RBFOX1: variants seen among roughly 807,000 people sequenced by gnomAD.
RBFOX1 encodes RNA binding fox-1 homolog 1, also known as RNA binding protein fox-1 homolog 1.
A neutral mutation model predicts 57.7 loss-of-function variants in RBFOX1; 8 were observed. The observed-to-expected ratio is 0.14, with a 90% CI of 0.08 to 0.25. The LOEUF (loss-of-function observed/expected upper bound fraction) is 0.25. Among genes scored for constraint, RBFOX1 ranks in the 10% least tolerant of loss-of-function variants. The pLI is 1.00. For synonymous variants in RBFOX1, 326 were observed against 222.4 expected, an observed-to-expected ratio of 1.47 and a Z score of -4.15; for missense variants, 611 against 548.5, an observed-to-expected ratio of 1.11 and a Z score of -1.14.
intron 2 of RBFOX1, among the ~76,000 whole-genome samples, chr16:6,321,215 A>G (rs983340053): frequency 9.2e-5 from 14 of 151,902 alleles, no homozygotes; most frequent in African/African-American, 2.2e-4. Context: ...TAACATATCT[A>G]TCATCTCATT....
chr16:6,750,266 T>A (rs946046956), intron 3 of RBFOX1, among the ~76,000 whole-genome samples: 1 of 152,204 alleles, frequency 6.6e-6, no homozygotes, highest in Admixed American at 6.5e-5. Flanking sequence ...AGCTGTTAAG[T>A]CATTTGTATT....
intron 1 of RBFOX1, among the ~76,000 whole-genome samples, chr16:6,289,052 A>G (rs960656542): frequency 6.6e-6 from 1 of 152,084 alleles, no homozygotes; most frequent in Admixed American, 6.6e-5. Context: ...ATTTTTACCA[A>G]CTATGCCCTT....
chr16:6,534,891 G>C (rs975498408), intron 2 of RBFOX1, among the ~76,000 whole-genome samples: 2 of 152,110 alleles, frequency 1.3e-5, no homozygotes, highest in South Asian at 2.1e-4. Context: ...GTCCAATGAG[G>C]CATATCCTAG....
chr16:6,655,822 G>C (rs932962553), intron 3 of RBFOX1, among the ~76,000 whole-genome samples: 2 of 152,182 alleles, frequency 1.3e-5, no homozygotes, highest in African/African-American at 4.8e-5. Flanking sequence ...ATTTCAAGCA[G>C]AGGTTTTCAG....
intron 11 of RBFOX1, among the ~76,000 whole-genome samples, chr16:7,640,616 A>T (rs1326433635): frequency 6.6e-6 from 1 of 152,222 alleles, no homozygotes; most frequent in African/African-American, 2.4e-5. Context: ...GGCCGAGATG[A>T]GATGTTTCAG....
rs2084228128 is a variant in RBFOX1 at position 7,713,038 on chromosome 16, T to C, written c.*2293T>C. 6.6e-6 allele frequency: 1 copy of C among 152,218 alleles called. No individual in the cohort carries two copies. Among genetic ancestry groups the C allele is most frequent in the Non-Finnish European group, 1.5e-5 (1 of 68,030 alleles). The allele number at this position is 152,218 out of a possible 1,614,324, so 9.4% of individuals were successfully genotyped here. ...AATCTTTTGTCTAGGCACTCCAAGA[T>C]GCCAATAAGTCATTTTAAAATGTAT... is the stretch of plus-strand genomic sequence containing the variant. On this transcript the variant is annotated 3_prime_UTR_variant, in exon 16 of 16. Coordinates refer to ENST00000550418, the MANE Select transcript of RBFOX1 (RefSeq NM_018723.4).
Position 7,124,438 on chromosome 16 carries a change from G to A in RBFOX1, c.27+72340G>A, listed in dbSNP as rs145240923. On this transcript the variant is annotated intron_variant, in intron 4 of 15. Transcript: ENST00000550418. ...TAAATAAATAGATAAAGCTGATACA[G>A]TATCTGTAATTTGAAATATGTACTG... Among the ~76,000 whole-genome samples, 10 of 152,054 alleles carry A rather than the reference G, an allele frequency of 6.6e-5. No homozygotes were observed. In the East Asian group the frequency reaches 1.7e-3, roughly 27 times the overall value.
At chr16:5,451,399 T>A (rs1260652378) in intron 1 of RBFOX1, among the ~76,000 whole-genome samples, 2 of 152,090 alleles carry the variant, frequency 1.3e-5, no homozygotes, top group East Asian at 1.9e-4. Flanking sequence ...CTATTAAAAG[T>A]CAGATTTATA....
intron 15 of RBFOX1, chr16:7,709,513 G>A: frequency 1.3e-6 from 2 of 1,527,960 alleles, no homozygotes; most frequent in Non-Finnish European, 1.7e-6. Context: ...TCCAGCCCCA[G>A]CACAGACTTC....
chr16:6,507,956 A>G (rs926374371), intron 2 of RBFOX1, among the ~76,000 whole-genome samples: 7 of 152,192 alleles, frequency 4.6e-5, no homozygotes, highest in South Asian at 2.1e-4. Context: ...AAGACATGGA[A>G]TCAACCTAAA....
At chr16:7,054,455 A>T (rs879301750) in intron 4 of RBFOX1, among the ~76,000 whole-genome samples, 24 of 145,580 alleles carry the variant, frequency 1.6e-4, no homozygotes, top group Non-Finnish European at 2.8e-4. Context: ...GTTGGCCAGG[A>T]TGGTCTCGAT....
At chr16:5,775,888 T>A (rs2054131262) in intron 3 of RBFOX1, among the ~76,000 whole-genome samples, 1 of 152,130 alleles carries the variant, frequency 6.6e-6, no homozygotes, top group South Asian at 2.1e-4. Flanking sequence ...GCCAGACAAT[T>A]GTTCTCCTTT....
intron 2 of RBFOX1, among the ~76,000 whole-genome samples, chr16:6,449,694 A>G (rs781244716): frequency 1.1e-4 from 16 of 152,004 alleles, no homozygotes; most frequent in African/African-American, 3.9e-4. Context: ...TGCATTCTGG[A>G]GTGCTGTTTA....
At chr16:6,652,865 C>T (rs190140081) in intron 2 of RBFOX1, among the ~76,000 whole-genome samples, 11 of 152,198 alleles carry the variant, frequency 7.2e-5, no homozygotes, top group African/African-American at 2.2e-4. Flanking sequence ...ATGGGTAATG[C>T]CCCAGAACTG....
chr16:5,581,562 A>G (rs756362932), intron 2 of RBFOX1, among the ~76,000 whole-genome samples: 65 of 152,336 alleles, frequency 4.3e-4, no homozygotes, highest in African/African-American at 1.5e-3. Context: ...TGATGCTGCA[A>G]GAGCATGTTA....
intron 4 of RBFOX1, among the ~76,000 whole-genome samples, chr16:7,073,042 A>G (rs115622325): frequency 0.01 from 1,544 of 152,280 alleles, 30 homozygotes; most frequent in African/African-American, 0.035. Context: ...TAACTGTGAC[A>G]CAGAGGCCAG....
At chr16:6,633,784 A>C (rs2098409130) in intron 2 of RBFOX1, among the ~76,000 whole-genome samples, 1 of 152,124 alleles carries the variant, frequency 6.6e-6, no homozygotes, top group Non-Finnish European at 1.5e-5. Context: ...TGAGGCAGGA[A>C]GATCACTTGA....
chr16:7,231,874 G>T (rs2093514821), intron 4 of RBFOX1, among the ~76,000 whole-genome samples: 1 of 152,164 alleles, frequency 6.6e-6, no homozygotes, highest in African/African-American at 2.4e-5. Context: ...ACAGAAAGCA[G>T]ATTGGTGGTT....
At chr16:7,621,397 G>A (rs897761957) in intron 10 of RBFOX1, among the ~76,000 whole-genome samples, 1 of 151,914 alleles carries the variant, frequency 6.6e-6, no homozygotes, top group African/African-American at 2.4e-5. Context: ...AGTAGCTGGG[G>A]TTACAGGCAT....
Sources: allele counts gnomAD v4.1 joint callset (sites outside exome capture counted in the v4.1 genomes callset), GRCh38; gene constraint gnomAD v4.1.1; transcripts MANE v1.5; gene names NCBI Gene and HGNC (gene_info 2026-07-23, HGNC 2026-07-21).